The following EDARADD variants were observed in gnomAD, a reference collection of about 807,000 sequenced individuals.
EDARADD encodes the protein EDAR associated via death domain, also known as ectodysplasin-A receptor-associated adapter protein.
EDARADD carries 20 observed loss-of-function variants against 25.6 expected under a neutral mutation model. The observed-to-expected ratio is 0.78, with a 90% CI of 0.55 to 1.14. EDARADD has a LOEUF of 1.14. Among genes scored for constraint, EDARADD ranks in the 50% most tolerant of loss-of-function variants. The probability of loss-of-function intolerance (pLI) is 0.00; values close to 1 mark genes in which losing one functional copy is unlikely to be tolerated. For missense variants in EDARADD, 225 were observed against 270.1 expected, an observed-to-expected ratio of 0.83 and a Z score of 1.17; for synonymous variants, 86 against 94.4, an observed-to-expected ratio of 0.91 and a Z score of 0.52.
At chr1:236,369,170 A>T (rs1181551548) in intron 3 of EDARADD, among the ~76,000 whole-genome samples, 2 of 152,148 alleles carry the variant, frequency 1.3e-5, no homozygotes, top group Non-Finnish European at 2.9e-5. Flanking sequence ...TCAATATTGA[A>T]TTGGCTCTAC....
At chr1:236,391,747 A>C (rs531741684), upstream of EDARADD, among the ~76,000 whole-genome samples, 2 of 152,310 alleles carry the variant, frequency 1.3e-5, no homozygotes, top group Admixed American at 6.5e-5. Flanking sequence ...AATCAAACAA[A>C]ATATATTTTG....
intron 4 of EDARADD, among the ~76,000 whole-genome samples, chr1:236,466,884 T>C (rs932195526): frequency 1.4e-4 from 21 of 152,160 alleles, no homozygotes; most frequent in African/African-American, 3.4e-4. Flanking sequence ...CCGGCCAACA[T>C]GGTGAAACCC....
chr1:236,348,974 C>A (rs1312131201), intron 2 of EDARADD: 1 of 151,970 alleles, frequency 6.6e-6, no homozygotes, highest in Non-Finnish European at 1.5e-5. Context: ...AAGGTACCCC[C>A]AAAATAAAAT....
chr1:236,467,021 G>C (rs752895442), intron 4 of EDARADD, among the ~76,000 whole-genome samples: 1 of 151,876 alleles, frequency 6.6e-6, no homozygotes, highest in African/African-American at 2.4e-5. Context: ...AGCCGAGATT[G>C]TGCCACTGCA....
intron 3 of EDARADD, among the ~76,000 whole-genome samples, chr1:236,361,676 TTTGTC>T (rs1312125149): frequency 7.0e-6 from 1 of 142,934 alleles, no homozygotes; most frequent in African/African-American, 2.6e-5. Context: ...GTATTCTACT[TTTGTC>T]TAGCTTCTTG....
intron 3 of EDARADD, among the ~76,000 whole-genome samples, chr1:236,386,610 G>A (rs1284709822): frequency 6.8e-5 from 1 of 14,648 alleles, no homozygotes. Flanking sequence ...CCGAGACCCC[G>A]TCTGGGAGGT....
intron 3 of EDARADD, among the ~76,000 whole-genome samples, chr1:236,421,838 A>G (rs908730988): frequency 2.0e-5 from 3 of 152,056 alleles, no homozygotes; most frequent in African/African-American, 7.2e-5. Flanking sequence ...TTGAGTCTCA[A>G]TGTTAGGTCT....
intron 4 of EDARADD, among the ~76,000 whole-genome samples, chr1:236,440,320 C>T (rs1215280970): frequency 6.6e-6 from 1 of 152,114 alleles, no homozygotes; most frequent in East Asian, 1.9e-4. Flanking sequence ...CAACTTTGTT[C>T]TTTTCCTTCA....
chr1:236,405,917 C>CTTTCTTTCTTTCCTTTTTTT (rs1667723826), intron 1 of EDARADD, among the ~76,000 whole-genome samples: 1 of 52,558 alleles, frequency 1.9e-5, no homozygotes. Context: ...TTCTTTCTTT[C>CTTTCTTTCTTTCCTTTTTTT]TTTCTTTCTC....
intron 4 of EDARADD, among the ~76,000 whole-genome samples, chr1:236,463,982 G>T (rs1464801362): frequency 6.6e-6 from 1 of 152,158 alleles, no homozygotes; most frequent in Non-Finnish European, 1.5e-5. Context: ...CCAGACCGGG[G>T]GTTTGGAGAA....
chr1:236,382,146 C>T (rs1366864302), intron 3 of EDARADD, among the ~76,000 whole-genome samples: 1 of 152,000 alleles, frequency 6.6e-6, no homozygotes, highest in African/African-American at 2.4e-5. Context: ...TTCTGGGATT[C>T]CAATTACATG....
intron 3 of EDARADD, among the ~76,000 whole-genome samples, chr1:236,421,755 T>C (rs964014878): frequency 7.2e-5 from 11 of 152,096 alleles, no homozygotes; most frequent in Non-Finnish European, 1.6e-4. Flanking sequence ...TCTACCCGCA[T>C]TGGCCTCCCA....
chr1:236,395,572 C>A lies in EDARADD; in HGVS notation c.61+1067C>A. 1 of 1,544,088 alleles carries A rather than the reference C, an allele frequency of 6.5e-7. No individual in the cohort carries two copies. The highest frequency in any genetic ancestry group is 2.4e-5 in the East Asian group (1 of 40,984). ...CATCCCCGTGGTCCCACGGTCCTCC[C>A]GCGCCCCGGAGGCCTGCCAGCCCCG... On this transcript the variant is annotated intron_variant, in intron 1 of 5. Coordinates refer to ENST00000334232, the MANE Select transcript of EDARADD (RefSeq NM_145861.4). This position sits in a 1 kb window ranked among gnomAD's most constrained non-coding sequence, Gnocchi z 6.9.
chr1:236,424,533 T>A (rs902054464), intron 3 of EDARADD, among the ~76,000 whole-genome samples: 1 of 152,118 alleles, frequency 6.6e-6, no homozygotes, highest in Non-Finnish European at 1.5e-5. Context: ...CTGGATATAC[T>A]TTTGGCAGGG....
intron 5 of EDARADD, among the ~76,000 whole-genome samples, chr1:236,472,131 T>C (rs1038156894): frequency 2.6e-5 from 4 of 151,700 alleles, no homozygotes; most frequent in African/African-American, 4.8e-5. Context: ...AGGAGGGAGG[T>C]GGGGGAAGAA....
intron 1 of EDARADD, among the ~76,000 whole-genome samples, chr1:236,396,912 G>A (rs932585498): frequency 7.0e-6 from 1 of 142,172 alleles, no homozygotes; most frequent in Non-Finnish European, 1.5e-5. Context: ...GTGCCAAGGG[G>A]TGTTTTAGGC....
At chr1:236,439,119 T>C (rs962833952) in intron 4 of EDARADD, among the ~76,000 whole-genome samples, 11 of 152,236 alleles carry the variant, frequency 7.2e-5, no homozygotes, top group African/African-American at 2.7e-4. Flanking sequence ...CCTTTTCAGA[T>C]TGGCTTCTTT....
chr1:236,366,741 C>CTCTTTTTTTTT (rs146073425), intron 3 of EDARADD, among the ~76,000 whole-genome samples: 5 of 144,200 alleles, frequency 3.5e-5, no homozygotes, highest in Admixed American at 7.0e-5. Flanking sequence ...TCATCTCTCT[C>CTCTTTTTTTTT]TTTTTTTTGT....
chr1:236,441,146 A>C (rs1029042580), intron 4 of EDARADD, among the ~76,000 whole-genome samples: 1 of 151,692 alleles, frequency 6.6e-6, no homozygotes, highest in African/African-American at 2.4e-5. Flanking sequence ...CATTATTCTT[A>C]TCTTATACTT....
Sources: allele counts gnomAD v4.1 joint callset (sites outside exome capture counted in the v4.1 genomes callset), GRCh38; gene constraint gnomAD v4.1.1; non-coding constraint Gnocchi (gnomAD v3.1); transcripts MANE v1.5; gene names NCBI Gene and HGNC (gene_info 2026-07-23, HGNC 2026-07-21).